Variants in IGF2BP3 observed in about 807,000 individuals in gnomAD.
IGF2BP3 encodes the protein insulin-like growth factor 2 mRNA-binding protein 3.
In IGF2BP3, 9 loss-of-function variants were observed where a neutral mutation model predicts 73.8. That is an observed-to-expected ratio of 0.12 (90% CI 0.07 to 0.21). The LOEUF is 0.21. Ranked by LOEUF, IGF2BP3 falls within the 10% of genes least tolerant of loss-of-function variation. The pLI, the probability that IGF2BP3 is intolerant of heterozygous loss-of-function variation, is 1.00. For missense variants in IGF2BP3, 542 were observed against 714.0 expected, an observed-to-expected ratio of 0.76 and a Z score of 2.75; for synonymous variants, 258 against 256.7, an observed-to-expected ratio of 1.01 and a Z score of -0.05.
intron 3 of IGF2BP3, among the ~76,000 whole-genome samples, chr7:23,408,168 A>G (rs1786905615): frequency 6.6e-6 from 1 of 152,176 alleles, no homozygotes. Flanking sequence ...ATGAAAGACA[A>G]TGTTTTCTCA....
intron 6 of IGF2BP3, 104 bp from the exon 7 acceptor site, chr7:23,347,838 C>T: frequency 7.5e-7 from 1 of 1,334,146 alleles, no homozygotes. Context: ...CAGGGCAAAG[C>T]AGATGACTCA....
At chr7:23,453,006 G>C (rs1788237536) in intron 2 of IGF2BP3, among the ~76,000 whole-genome samples, 2 of 151,988 alleles carry the variant, frequency 1.3e-5, no homozygotes, top group African/African-American at 4.8e-5. Flanking sequence ...CAGCTACTCT[G>C]GAGGCTGAGG....
At chr7:23,412,842 C>CTTTTTTTTTTTTTT (rs557467066) in intron 3 of IGF2BP3, among the ~76,000 whole-genome samples, 4 of 36,980 alleles carry the variant, frequency 1.1e-4, no homozygotes, top group African/African-American at 3.3e-4. Flanking sequence ...AGACTCTGGC[C>CTTTTTTTTTTTTTT]TTTTTTTTTT....
At chr7:23,345,378 T>C (rs1784804417) in intron 8 of IGF2BP3, among the ~76,000 whole-genome samples, 2 of 152,370 alleles carry the variant, frequency 1.3e-5, no homozygotes, top group South Asian at 4.1e-4. Flanking sequence ...CTTCTGAGGC[T>C]ATGTCATAAA....
intron 3 of IGF2BP3, among the ~76,000 whole-genome samples, chr7:23,366,988 CTTTTTTTTTT>C (rs397942338): frequency 1.7e-5 from 2 of 116,184 alleles, no homozygotes; most frequent in African/African-American, 3.3e-5. Flanking sequence ...TCACATTTTG[CTTTTTTTTTT>C]TTTTTTTTTT....
intron 3 of IGF2BP3, among the ~76,000 whole-genome samples, chr7:23,387,511 T>C (rs1470325990): frequency 1.4e-5 from 2 of 147,762 alleles, no homozygotes; most frequent in African/African-American, 2.7e-5. Flanking sequence ...GGTTCTTTAA[T>C]TGTGACAAAT....
intron 2 of IGF2BP3, among the ~76,000 whole-genome samples, chr7:23,453,135 C>A (rs1788240909): frequency 6.6e-6 from 1 of 152,158 alleles, no homozygotes; most frequent in Admixed American, 6.5e-5. Context: ...CTCAAACAAA[C>A]AAACAAACAA....
intron 3 of IGF2BP3, among the ~76,000 whole-genome samples, chr7:23,399,877 G>C (rs909679588): frequency 1.1e-4 from 16 of 152,216 alleles, no homozygotes; most frequent in South Asian, 2.1e-4. Context: ...AAAGTAGAGA[G>C]TTTAAAAAGT....
chr7:23,411,984 C>CTTTTT (rs767524257), intron 3 of IGF2BP3, among the ~76,000 whole-genome samples: 23 of 104,850 alleles, frequency 2.2e-4, no homozygotes, highest in African/African-American at 5.6e-4. Flanking sequence ...ACTTATTTCT[C>CTTTTT]TTTTTTTTTT....
intron 3 of IGF2BP3, among the ~76,000 whole-genome samples, chr7:23,382,634 C>T (rs1021163837): frequency 2.0e-5 from 3 of 151,974 alleles, no homozygotes; most frequent in Admixed American, 6.6e-5. Flanking sequence ...AATTTTTATC[C>T]AATTGCTATA....
intron 2 of IGF2BP3, among the ~76,000 whole-genome samples, chr7:23,425,112 GTGTT>G: frequency 6.6e-6 from 1 of 152,312 alleles, no homozygotes; most frequent in South Asian, 2.1e-4. Context: ...TATCCACTAA[GTGTT>G]TATTTCCAAT....
intron 2 of IGF2BP3, among the ~76,000 whole-genome samples, chr7:23,442,242 T>C (rs537388224): frequency 6.6e-6 from 1 of 152,146 alleles, no homozygotes; most frequent in African/African-American, 2.4e-5. Context: ...AAAACATAAG[T>C]TGAAAGAAAA....
intron 2 of IGF2BP3, among the ~76,000 whole-genome samples, chr7:23,436,277 G>A (rs1370286173): frequency 6.6e-6 from 1 of 152,170 alleles, no homozygotes; most frequent in Non-Finnish European, 1.5e-5. Context: ...TAATGTCTAT[G>A]CTTTTTAAAA....
In IGF2BP3 at chr7:23,360,368, T is replaced by A. The variant is rs545611463; in HGVS notation, c.401+1166A>T. ...TCAAATACTATGTAACTATAAAAAA[T>A]ATATTTATATACACAAAACATTCAA... On this transcript the variant is annotated intron_variant, in intron 5 of 14. Coordinates refer to ENST00000258729, the MANE Select transcript of IGF2BP3 (RefSeq NM_006547.3). 5.3e-5 allele frequency among the ~76,000 whole-genome samples: 8 copies of A among 152,234 alleles called. No homozygotes were observed. The South Asian group carries it at 1.7e-3, about 32-fold the overall frequency.
chr7:23,372,589 T>G (rs542522016), intron 3 of IGF2BP3, among the ~76,000 whole-genome samples: 1 of 152,282 alleles, frequency 6.6e-6, no homozygotes, highest in African/African-American at 2.4e-5. Context: ...GGTTTTTCCA[T>G]TCCTGAGTTA....
chr7:23,369,187 T>C (rs1785474447), intron 3 of IGF2BP3, among the ~76,000 whole-genome samples: 1 of 152,144 alleles, frequency 6.6e-6, no homozygotes, highest in African/African-American at 2.4e-5. Context: ...TTCTGTAACC[T>C]GAGCCTGTCC....
chr7:23,383,912 C>A (rs376786255), intron 3 of IGF2BP3, among the ~76,000 whole-genome samples: 2 of 151,650 alleles, frequency 1.3e-5, no homozygotes, highest in African/African-American at 2.4e-5. Context: ...CTGGCTAACA[C>A]GGTGAGACCC....
At chr7:23,408,302 T>C (rs1216815094) in intron 3 of IGF2BP3, among the ~76,000 whole-genome samples, 1 of 152,076 alleles carries the variant, frequency 6.6e-6, no homozygotes, top group African/African-American at 2.4e-5. Flanking sequence ...GAATACATAA[T>C]TGTCTAAGTA....
At position 23,362,190 on chromosome 7, in the gene IGF2BP3, T is replaced by C. The variant is rs148574479; in HGVS notation, c.286-449A>G. On this transcript the variant is annotated intron_variant, in intron 3 of 14. Coordinates refer to ENST00000258729, the MANE Select transcript of IGF2BP3 (RefSeq NM_006547.3). The stretch of plus-strand genomic sequence containing the variant: ...ACTTTGGGAGGCCAAGATGGGAGCA[T>C]AGCTTGAGGCCAGGAGTTCGAGACC... 1.3e-3 allele frequency among the ~76,000 whole-genome samples: 201 copies of C among 152,132 alleles called. 2 individuals carry two copies. The East Asian group carries it at 0.013, about 10-fold the overall frequency.
Sources: allele counts gnomAD v4.1 joint callset (sites outside exome capture counted in the v4.1 genomes callset), GRCh38; gene constraint gnomAD v4.1.1; transcripts MANE v1.5; gene names NCBI Gene and HGNC (gene_info 2026-07-23, HGNC 2026-07-21).